The following APOB variants were observed in gnomAD, a reference collection of about 807,000 sequenced individuals.
The protein encoded by APOB is apolipoprotein B.
APOB carries 153 observed loss-of-function variants against 314.1 expected under a neutral mutation model. The observed-to-expected ratio is 0.49, with a 90% CI of 0.43 to 0.56. APOB has a LOEUF of 0.56. Ranked by LOEUF, APOB falls within the 20% of genes least tolerant of loss-of-function variation. APOB has a pLI of 0.00. For synonymous variants in APOB, 2,087 were observed against 2,036.4 expected, an observed-to-expected ratio of 1.02 and a Z score of -0.67; for missense variants, 5,430 against 5,350.7, an observed-to-expected ratio of 1.01 and a Z score of -0.46.
At position 21,043,534 on chromosome 2, in the gene APOB, T is replaced by C. The variant is rs1321025524; in HGVS notation, c.100A>G (p.Asn34Asp). The change falls in exon 2 of 29, where the codon AAT (asparagine) becomes GAT (aspartate). Residue 34 changes from asparagine to aspartate, a missense_variant. By Grantham distance (23) the Asn-to-Asp change is conservative (BLOSUM62 1). Around this residue, in one of 3 missense-constraint regions of APOB, gnomAD observed 2,085 missense variants for 2,079.7 expected, o/e 1.00. Coordinates refer to ENST00000233242, the MANE Select transcript of APOB (RefSeq NM_000384.3). ...TTACTTGGACAGACCAGGCTGACAT[T>C]TTCCAGCATTTCCTCTTCTGTAAGA... ...GARAEEEMLE[N>D]VSLVCPKDAT... The C allele has an allele frequency of 6.2e-7, 1 of 1,604,616 alleles. No homozygotes were observed. The highest frequency in any genetic ancestry group is 2.2e-5 in the East Asian group (1 of 44,696).
rs558626935 is a variant in APOB at position 21,015,538 on chromosome 2, T to C, written c.3340A>G (p.Thr1114Ala). 6 of 1,612,886 alleles carry C rather than the reference T, an allele frequency of 3.7e-6. No homozygotes were observed. In the South Asian group the frequency reaches 6.6e-5, roughly 18 times the overall value. Reference protein sequence around the residue: ...VALMGHLSCDTKEERKIKGVI... With the variant: ...VALMGHLSCDAKEERKIKGVI... Reference sequence around the variant, plus strand: ...CCCTTGATTTTTCTTTCTTCCTTTGTGTCACAACTATGGTAAAGAAAATCA... The same window carrying C: ...CCCTTGATTTTTCTTTCTTCCTTTGCGTCACAACTATGGTAAAGAAAATCA... Residue 1114 changes from threonine (T) to alanine (A), a missense_variant, in exon 22 of 29, where the codon ACA becomes GCA. Physicochemically the swap from Thr to Ala is moderately conservative, Grantham distance 58 (BLOSUM62 0). Coordinates refer to ENST00000233242, the MANE Select transcript of APOB (RefSeq NM_000384.3).
Position 21,013,279 on chromosome 2 carries a change from A to C in APOB, c.4097T>G (p.Leu1366Trp). Residue 1366 changes from leucine to tryptophan, a missense_variant, in exon 25 of 29, where the codon TTG becomes TGG. Leu to Trp is a moderately conservative substitution (Grantham distance 61, BLOSUM62 -2). This residue lies in a region of APOB where 2,085 missense variants were observed against 2,079.7 expected (regional missense o/e 1.00). Coordinates refer to ENST00000233242, the MANE Select transcript of APOB (RefSeq NM_000384.3). ...ACTGTAGGAGGCGGACCAGTTGTAC[A>C]AGTTGCTGTAGACATTCGTGGAGAG... ...LDLSTNVYSN[L>W]YNWSASYSGG... The C allele has an allele frequency of 1.9e-6, 3 of 1,614,230 alleles. No homozygotes were observed. Among genetic ancestry groups the C allele is most frequent in the South Asian group, 2.2e-5 (2 of 91,082 alleles).
intron 7 of APOB, 90 bp from the exon 8 acceptor site, chr2:21,034,991 C>T: frequency 1.3e-6 from 1 of 790,980 alleles, no homozygotes; most frequent in South Asian, 1.3e-5. Context: ...TGCATCTACC[C>T]AAGTCCTGCC....
In APOB at chr2:21,006,885, T is replaced by C. The variant is rs1663159217; in HGVS notation, c.9983A>G (p.His3328Arg). 4 of 1,614,080 alleles carry C rather than the reference T, an allele frequency of 2.5e-6. No individual in the cohort carries two copies. The highest frequency in any genetic ancestry group is 3.4e-6 in the Non-Finnish European group (4 of 1,179,952). ...PDFKELCTIS[H>R]IFIPAMGNIT... The stretch of plus-strand genomic sequence containing the variant: ...ATTGCCCATGGCAGGAATAAAAATA[T>C]GGCTTATGGTACACAATTCCTTGAA... The change falls in exon 26 of 29, where the codon CAT (histidine) becomes CGT (arginine). Residue 3328 changes from histidine (H) to arginine (R), a missense_variant. By Grantham distance (29) the His-to-Arg change is conservative. Coordinates refer to ENST00000233242, the MANE Select transcript of APOB (RefSeq NM_000384.3).
In APOB at chr2:21,001,971, G is replaced by A. The variant is rs12713450; in HGVS notation, c.13451C>T (p.Thr4484Met). The part of the protein sequence containing the change: ...QEIIKSQAIA[T>M]KKIISDYHQQ... ...GTGGTAATCAGAAATTATTTTCTTCGTCGCAATGGCCTGGCTTTTAATTAT... is the reference window on the plus strand; with the variant it reads ...GTGGTAATCAGAAATTATTTTCTTCATCGCAATGGCCTGGCTTTTAATTAT... Residue 4484 changes from threonine (T) to methionine (M), a missense_variant, in exon 29 of 29, where the codon ACG (threonine) becomes ATG (methionine). Transcript: ENST00000233242. 13,985 of 1,613,886 alleles carry A rather than the reference G, an allele frequency of 8.7e-3. 522 individuals carry two copies. The African/African-American group carries it at 0.11, about 13-fold the overall frequency.
rs753345874 is a variant in APOB, at chr2:21,001,697, AAAG to A, written c.*30_*32del. 1 of 1,608,336 alleles carries A rather than the reference AAAG, an allele frequency of 6.2e-7. No individual in the cohort carries two copies. The highest frequency in any genetic ancestry group is 1.1e-5 in the South Asian group (1 of 90,790). Reference sequence around the variant, plus strand: ...TGTGCTATGTGAAAGTTCAATTGGAAAAGAAGAATAAATGAAGATTTCTTTTAA... The same window carrying A: ...TGTGCTATGTGAAAGTTCAATTGGAAAAGAATAAATGAAGATTTCTTTTAA... On this transcript the variant is annotated 3_prime_UTR_variant, in exon 29 of 29. Transcript: ENST00000233242.
At chr2:21,016,751 A>T (rs13306202) in intron 20 of APOB, 102 bp from the exon 21 acceptor site, 16 of 769,782 alleles carry the variant, frequency 2.1e-5, no homozygotes, top group Non-Finnish European at 3.5e-5. Flanking sequence ...TTGGGAGGCC[A>T]AGGCGGGCAG....
rs926123119 is a variant in APOB at position 21,033,361 on chromosome 2, C to T, written c.1062G>A (p.Glu354=). ...RANLFNKLVT[E]LRGLSDEAVT... ...CTGCTTCATCACTGAGGCCTCTCAG[C>T]TCAGTAACCAGCTTATTGAAGAGAT... The change falls in exon 9 of 29, where the codon GAG becomes GAA. Residue 354 remains glutamate, a synonymous_variant. Coordinates refer to ENST00000233242, the MANE Select transcript of APOB (RefSeq NM_000384.3). 6.2e-7 allele frequency: 1 copy of T among 1,614,192 alleles called. No homozygotes were observed. Among genetic ancestry groups the T allele is most frequent in the Non-Finnish European group, 8.5e-7 (1 of 1,180,038 alleles).
intron 20 of APOB, among the ~76,000 whole-genome samples, chr2:21,016,938 G>T (rs369018694): frequency 6.6e-6 from 1 of 150,626 alleles, no homozygotes; most frequent in African/African-American, 2.5e-5. Context: ...GAGCCGAGAT[G>T]GCACCACTGC....
In APOB at chr2:21,005,422, G is replaced by C; in HGVS notation, c.11446C>G (p.Pro3816Ala). The change falls in exon 26 of 29, where the codon CCT becomes GCT. Residue 3816 changes from proline to alanine, a missense_variant. Around this residue, in one of 3 missense-constraint regions of APOB, gnomAD observed 3,281 missense variants for 3,171.0 expected, o/e 1.03. Transcript: ENST00000233242. ...TGGGACACAGTTAACTGAGATTCAGGCACGGTTATCTCAAAAAAGGGAATC... is the reference window on the plus strand; with the variant it reads ...TGGGACACAGTTAACTGAGATTCAGCCACGGTTATCTCAAAAAAGGGAATC... The part of the protein sequence containing the change: ...SLIPFFEITV[P>A]ESQLTVSQFT... 6.2e-7 allele frequency: 1 copy of C among 1,614,012 alleles called. No homozygotes were observed. The highest frequency in any genetic ancestry group is 8.5e-7 in the Non-Finnish European group (1 of 1,179,954).
chr2:21,035,480 TC>T, intron 7 of APOB, 103 bp downstream of exon 7: 1 of 1,472,076 alleles, frequency 6.8e-7, no homozygotes, highest in Non-Finnish European at 9.4e-7. Context: ...CCCTCTCCAT[TC>T]CTCCCTCCCA....
intron 10 of APOB, among the ~76,000 whole-genome samples, chr2:21,031,805 G>A (rs554663764): frequency 6.6e-6 from 1 of 152,072 alleles, no homozygotes; most frequent in African/African-American, 2.4e-5. Context: ...AGCCGTGACT[G>A]CATCACTGCA....
chr2:21,019,889 C>T lies in APOB; in HGVS notation c.2833G>A (p.Val945Ile), dbSNP rs201764222. The change falls in exon 19 of 29, where the codon GTC becomes ATC. Residue 945 changes from valine to isoleucine, a missense_variant. Val to Ile is a conservative substitution (Grantham distance 29). This residue lies in a region of APOB where 2,085 missense variants were observed against 2,079.7 expected (regional missense o/e 1.00). Transcript: ENST00000233242. ...LLSGGNTLHL[V>I]STTKTEVIPP... The stretch of plus-strand genomic sequence containing the variant: ...ATCACCTCCGTTTTGGTGGTAGAGA[C>T]CAAATGTAATGTGTTGCTGGTGAAG... The T allele has an allele frequency of 1.2e-6, 2 of 1,614,124 alleles. No homozygotes were observed. Among genetic ancestry groups the T allele is most frequent in the Admixed American group, 3.3e-5 (2 of 60,026 alleles).
intron 12 of APOB, 151 bp downstream of exon 12, chr2:21,029,488 G>A: frequency 1.2e-6 from 1 of 842,862 alleles, no homozygotes; most frequent in Non-Finnish European, 1.9e-6. Context: ...AGAAAGGGAG[G>A]GAGGGAGGAA....
Position 21,027,879 on chromosome 2 carries a change from C to T in APOB, c.2016G>A (p.Met672Ile), listed in dbSNP as rs766722211. 3.7e-6 allele frequency: 6 copies of T among 1,614,156 alleles called. No homozygotes were observed. In the South Asian group the frequency reaches 6.6e-5, roughly 18 times the overall value. Reference sequence around the variant, plus strand: ...CAAAGGCAGTGAGGGTAGTTTTCAGCATGCTTTCTTTAGGAAGGTAGTTAT... The same window carrying T: ...CAAAGGCAGTGAGGGTAGTTTTCAGTATGCTTTCTTTAGGAAGGTAGTTAT... The part of the protein sequence containing the change: ...DPNNYLPKES[M>I]LKTTLTAFGF... The change falls in exon 14 of 29, where the codon ATG becomes ATA. Residue 672 changes from methionine to isoleucine, a missense_variant. Around this residue, in one of 3 missense-constraint regions of APOB, gnomAD observed 2,085 missense variants for 2,079.7 expected, o/e 1.00. Transcript: ENST00000233242.
chr2:21,035,832 A>G (rs1663989878), intron 6 of APOB, 124 bp from the exon 7 acceptor site: 1 of 1,011,776 alleles, frequency 9.9e-7, no homozygotes, highest in East Asian at 2.5e-5. Context: ...GAAAGAAGAT[A>G]ACTGGGTACT....
rs12720836 is a variant in APOB at position 21,032,860 on chromosome 2, G to A, written c.1125-279C>T. 4.0e-3 allele frequency among the ~76,000 whole-genome samples: 616 copies of A among 152,242 alleles called. 8 individuals carry two copies. Among genetic ancestry groups the A allele is most frequent in the East Asian group, 0.035 (182 of 5,188 alleles). On this transcript the variant is annotated intron_variant, in intron 9 of 28. Transcript: ENST00000233242. ...TTTGGCCAGCACACAGAATATGCCT[G>A]GCCAACATTAGCTGGGTCTCATTCC...
At chr2:21,037,671 G>A (rs1166201208) in intron 5 of APOB, among the ~76,000 whole-genome samples, 1 of 152,046 alleles carries the variant, frequency 6.6e-6, no homozygotes, top group Non-Finnish European at 1.5e-5. Context: ...CCATAACCCA[G>A]CAAACACAGG....
In APOB at chr2:21,002,050, G is replaced by A; in HGVS notation, c.13372C>T (p.Pro4458Ser). 1 of 1,613,938 alleles carries A rather than the reference G, an allele frequency of 6.2e-7. No homozygotes were observed. The highest frequency in any genetic ancestry group is 8.5e-7 in the Non-Finnish European group (1 of 1,179,972). ...IQEYLSILTD[P>S]DGKGKEKIAE... Reference sequence around the variant, plus strand: ...ATCTTCTCTTTCCCTTTTCCATCTGGATCGGTAAGGATGCTAAGATATTCC... The same window carrying A: ...ATCTTCTCTTTCCCTTTTCCATCTGAATCGGTAAGGATGCTAAGATATTCC... The change falls in exon 29 of 29, where the codon CCA becomes TCA. Residue 4458 changes from proline (P) to serine (S), a missense_variant. This residue lies in a region of APOB where 3,281 missense variants were observed against 3,171.0 expected (regional missense o/e 1.03). Coordinates refer to ENST00000233242, the MANE Select transcript of APOB (RefSeq NM_000384.3).
Sources: gnomAD v4.1 joint callset for allele counts (sites outside exome capture counted in the v4.1 genomes callset) on GRCh38, gnomAD v4.1.1 for gene constraint, gnomAD v4.1.1 regional missense constraint, MANE v1.5 for transcripts, NCBI Gene and HGNC (gene_info 2026-07-23, HGNC 2026-07-21) for gene names.